PAPPA2: variants seen among roughly 807,000 people sequenced by gnomAD.
PAPPA2 encodes pappalysin-2.
Under a neutral mutation model 176.4 loss-of-function variants are expected in PAPPA2, and 86 were observed. The observed-to-expected ratio is 0.49, with a 90% CI of 0.41 to 0.58. PAPPA2 has a LOEUF of 0.58. Ranked by LOEUF, PAPPA2 falls within the 20% of genes least tolerant of loss-of-function variation. The probability of loss-of-function intolerance (pLI) is 0.00; values close to 1 mark genes in which losing one functional copy is unlikely to be tolerated. For synonymous variants in PAPPA2, 809 were observed against 852.2 expected, an observed-to-expected ratio of 0.95 and a Z score of 0.88; for missense variants, 2,073 against 2,256.9, an observed-to-expected ratio of 0.92 and a Z score of 1.65.
At chr1:176,497,496 C>T (rs1221984673) in intron 1 of PAPPA2, among the ~76,000 whole-genome samples, 1 of 152,164 alleles carries the variant, frequency 6.6e-6, no homozygotes, top group Non-Finnish European at 1.5e-5. Context: ...GCAGGGATTT[C>T]AATCTGGAGC....
At chr1:176,797,411 A>G (rs1321059866) in intron 20 of PAPPA2, among the ~76,000 whole-genome samples, 1 of 152,168 alleles carries the variant, frequency 6.6e-6, no homozygotes, top group East Asian at 1.9e-4. Flanking sequence ...TGGGAGGGCA[A>G]GGTAGGAGAA....
At chr1:176,477,776 TAAATA>T (rs1160242100) in intron 1 of PAPPA2, among the ~76,000 whole-genome samples, 21 of 109,194 alleles carry the variant, frequency 1.9e-4, no homozygotes, top group East Asian at 1.6e-3. Flanking sequence ...CATTAAAAAA[TAAATA>T]AAATAAAATA....
intron 4 of PAPPA2, among the ~76,000 whole-genome samples, chr1:176,673,324 G>A (rs763930670): frequency 2.0e-5 from 3 of 152,148 alleles, no homozygotes; most frequent in Non-Finnish European, 4.4e-5. Flanking sequence ...TCCTGTTCCT[G>A]TAGTCCATTT....
intron 21 of PAPPA2, among the ~76,000 whole-genome samples, chr1:176,829,623 C>T (rs1454566263): frequency 6.6e-6 from 1 of 152,202 alleles, no homozygotes. Flanking sequence ...CAGTCTGTCC[C>T]GGGCCTTCTT....
chr1:176,772,488 G>A (rs367949245), intron 17 of PAPPA2, among the ~76,000 whole-genome samples: 1 of 152,234 alleles, frequency 6.6e-6, no homozygotes, highest in South Asian at 2.1e-4. Context: ...TCTCAACCAT[G>A]TTAACATTTG....
chr1:176,670,944 AT>A (rs1248496088), intron 3 of PAPPA2, 25 bp from the exon 4 acceptor site: 1 of 1,612,548 alleles, frequency 6.2e-7, no homozygotes, highest in Non-Finnish European at 8.5e-7. Context: ...TTGCTGTGAC[AT>A]TTTTTCATCT....
At chr1:176,528,319 A>G (rs969884459) in intron 1 of PAPPA2, among the ~76,000 whole-genome samples, 1 of 152,160 alleles carries the variant, frequency 6.6e-6, no homozygotes, top group African/African-American at 2.4e-5. Flanking sequence ...TGATCCCCTT[A>G]CACATGATAG....
chr1:176,584,450 A>T (rs1419805407), intron 2 of PAPPA2, among the ~76,000 whole-genome samples: 1 of 151,514 alleles, frequency 6.6e-6, no homozygotes, highest in Non-Finnish European at 1.5e-5. Context: ...GTATGTAAGT[A>T]TAGCTTCTCC....
intron 3 of PAPPA2, among the ~76,000 whole-genome samples, chr1:176,623,754 CCTTCCTTTCTTTCTTT>C (rs1298619592): frequency 2.4e-5 from 1 of 40,976 alleles, no homozygotes; most frequent in African/African-American, 1.2e-4. Flanking sequence ...CTCTTTCCTT[CCTTCCTTTCTTTCTTT>C]CTTTCTTTCT....
intron 1 of PAPPA2, among the ~76,000 whole-genome samples, chr1:176,476,892 G>C (rs903329867): frequency 6.6e-6 from 1 of 152,118 alleles, no homozygotes; most frequent in Non-Finnish European, 1.5e-5. Flanking sequence ...TTTGCACTTG[G>C]ATATTTGCCT....
chr1:176,704,678 G>C lies in PAPPA2; in HGVS notation c.3366-1681G>C, dbSNP rs536474051. Among the ~76,000 whole-genome samples, 47 of 151,872 alleles carry C rather than the reference G, an allele frequency of 3.1e-4. 1 individual carries two copies. Among genetic ancestry groups the C allele is most frequent in the African/African-American group, 1.1e-3 (45 of 41,426 alleles). On this transcript the variant is annotated intron_variant, in intron 9 of 22. Coordinates refer to ENST00000367662, the MANE Select transcript of PAPPA2 (RefSeq NM_020318.3). ...CTTCAAGTATATTTGGAACAACTTG[G>C]GCAGGTAAATCTAATGTTCCAACTA...
chr1:176,824,034 T>C (rs1666765630), intron 21 of PAPPA2, among the ~76,000 whole-genome samples: 1 of 152,180 alleles, frequency 6.6e-6, no homozygotes, highest in African/African-American at 2.4e-5. Context: ...AGTATTTGTT[T>C]GCTGGGTGTA....
intron 7 of PAPPA2, 115 bp from the exon 8 acceptor site, chr1:176,698,985 C>T (rs1660513575): frequency 7.4e-7 from 1 of 1,346,836 alleles, no homozygotes; most frequent in African/African-American, 1.5e-5. Flanking sequence ...TGACCAACTT[C>T]TACAGGAATT....
intron 14 of PAPPA2, among the ~76,000 whole-genome samples, chr1:176,751,399 C>G (rs1430898408): frequency 7.5e-6 from 1 of 134,028 alleles, no homozygotes; most frequent in Non-Finnish European, 1.6e-5. Flanking sequence ...TCAGAGTGAA[C>G]AGGCAACCTA....
chr1:176,802,280 C>G lies in PAPPA2; in HGVS notation c.5202+2148C>G, dbSNP rs143968511. Among the ~76,000 whole-genome samples, 972 of 151,988 alleles carry G rather than the reference C, an allele frequency of 6.4e-3. 12 individuals carry two copies. Among genetic ancestry groups the G allele is most frequent in the African/African-American group, 0.022 (899 of 41,432 alleles). On this transcript the variant is annotated intron_variant, in intron 21 of 22. Coordinates refer to ENST00000367662, the MANE Select transcript of PAPPA2 (RefSeq NM_020318.3). ...ATACAACGATACAGGTGAATCAATC[C>G]CTGTAGGAAAGGAAGGGGAACTGGA... is the stretch of plus-strand genomic sequence containing the variant.
At chr1:176,801,151 A>G (rs1310419695) in intron 21 of PAPPA2, among the ~76,000 whole-genome samples, 1 of 151,856 alleles carries the variant, frequency 6.6e-6, no homozygotes, top group African/African-American at 2.4e-5. Flanking sequence ...ACCTAAGAAT[A>G]GCCAGTGACA....
At chr1:176,657,526 T>A (rs2102753040) in intron 3 of PAPPA2, among the ~76,000 whole-genome samples, 1 of 152,088 alleles carries the variant, frequency 6.6e-6, no homozygotes, top group African/African-American at 2.4e-5. Context: ...CAGAGAAGCT[T>A]ACTAGAAGGG....
At position 176,554,998 on chromosome 1, in the gene PAPPA2, TGTGAGA is replaced by T. The variant is rs753330345; in HGVS notation, c.-916-407_-916-402del. On this transcript the variant is annotated intron_variant, in intron 1 of 22. Coordinates refer to ENST00000367662, the MANE Select transcript of PAPPA2 (RefSeq NM_020318.3). The stretch of plus-strand genomic sequence containing the variant: ...GTGTGTGTGTGTGTGTGTGTGTGTG[TGTGAGA>T]GAGAGAGAGAGAGAGAGAGGGAGAA... Among the ~76,000 whole-genome samples, 424 of 103,784 alleles carry T rather than the reference TGTGAGA, an allele frequency of 4.1e-3. 4 individuals are homozygous for T. The East Asian group carries it at 0.1, about 25-fold the overall frequency. The allele number at this position is 103,784 out of a possible 152,430, so 68.1% of individuals were successfully genotyped here. A position where few individuals can be genotyped will look rare whatever the true frequency, so the allele number is the denominator to read the frequency against.
At chr1:176,533,742 G>A (rs1006131555) in intron 1 of PAPPA2, among the ~76,000 whole-genome samples, 2 of 152,188 alleles carry the variant, frequency 1.3e-5, no homozygotes, top group African/African-American at 4.8e-5. Context: ...CTAATTCAGT[G>A]GAATGGCCCT....
Sources: gnomAD v4.1 joint callset for allele counts (sites outside exome capture counted in the v4.1 genomes callset) on GRCh38, gnomAD v4.1.1 for gene constraint, MANE v1.5 for transcripts, NCBI Gene and HGNC (gene_info 2026-07-23, HGNC 2026-07-21) for gene names.